Variants in UST observed in about 807,000 individuals in gnomAD.
The protein encoded by UST is uronyl 2-sulfotransferase, also known as chondroitin sulfate 2-O-sulfotransferase.
A neutral mutation model predicts 45.6 loss-of-function variants in UST; 21 were observed. The ratio of observed to expected loss-of-function variants is 0.46; its 90% confidence interval spans 0.33 to 0.66. UST has a LOEUF of 0.66. Ranked by LOEUF, UST falls within the 30% of genes least tolerant of loss-of-function variation. The pLI, the probability that UST is intolerant of heterozygous loss-of-function variation, is 0.02. For missense variants in UST, 463 were observed against 512.4 expected (o/e 0.90, Z 0.93); for synonymous variants, 215 against 200.6 (o/e 1.07, Z -0.61).
At chr6:148,788,364 C>A (rs1006715960) in intron 1 of UST, among the ~76,000 whole-genome samples, 1 of 152,104 alleles carries the variant, frequency 6.6e-6, no homozygotes, top group Admixed American at 6.5e-5. Flanking sequence ...TACACACACA[C>A]ACACTTAGTG....
At position 149,073,827 on chromosome 6, in the gene UST, T is replaced by C; in HGVS notation, c.938-6T>C. Reference sequence around the variant, plus strand: ...TGGCTCATGTGCGACCCCGGTTCTCTTCCAGAGCACAGGAAGCTTGGAAAC... The same window carrying C: ...TGGCTCATGTGCGACCCCGGTTCTCCTCCAGAGCACAGGAAGCTTGGAAAC... On this transcript the variant is annotated splice_polypyrimidine_tract_variant and splice_region_variant and intron_variant, in intron 7 of 7. Transcript: ENST00000367463. 1 of 1,611,878 alleles carries C rather than the reference T, an allele frequency of 6.2e-7. No individual in the cohort carries two copies. The highest frequency in any genetic ancestry group is 8.5e-7 in the Non-Finnish European group (1 of 1,178,172).
intron 7 of UST, among the ~76,000 whole-genome samples, chr6:149,047,470 A>G (rs143567864): frequency 1.6e-4 from 25 of 152,354 alleles, no homozygotes; most frequent in African/African-American, 5.3e-4. Flanking sequence ...ACACATTTTC[A>G]TAATCATTTA....
chr6:148,766,512 T>C (rs1776327348), intron 1 of UST, among the ~76,000 whole-genome samples: 1 of 152,196 alleles, frequency 6.6e-6, no homozygotes, highest in African/African-American at 2.4e-5. Flanking sequence ...AGTGCTAAGA[T>C]AATCACCGTA....
At chr6:148,753,725 T>C (rs1776034707) in intron 1 of UST, among the ~76,000 whole-genome samples, 1 of 152,192 alleles carries the variant, frequency 6.6e-6, no homozygotes, top group African/African-American at 2.4e-5. Context: ...ATGGTAACTC[T>C]AAGTTTAAGT....
chr6:148,987,108 T>G (rs1781252250), intron 5 of UST, among the ~76,000 whole-genome samples: 1 of 152,244 alleles, frequency 6.6e-6, no homozygotes, highest in East Asian at 1.9e-4. Flanking sequence ...TTAAGAGAAC[T>G]GTGACATCCA....
rs545326526 is a variant in UST, at chr6:148,991,517, C to G, written c.681+26954C>G. The stretch of plus-strand genomic sequence containing the variant: ...TAATGCTATCCCTCCCCCCTCCCCC[C>G]ACCCCACGACAGGCCCCGGTGTGTG... On this transcript the variant is annotated intron_variant, in intron 5 of 7. Coordinates refer to ENST00000367463, the MANE Select transcript of UST (RefSeq NM_005715.3). 4.1e-3 allele frequency among the ~76,000 whole-genome samples: 505 copies of G among 124,328 alleles called. 1 individual carries two copies. Among genetic ancestry groups the G allele is most frequent in the Non-Finnish European group, 5.5e-3 (332 of 60,380 alleles). The allele number at this position is 124,328 out of a possible 152,430, so 81.6% of individuals were successfully genotyped here.
chr6:149,007,951 T>C (rs1395917460), intron 5 of UST, among the ~76,000 whole-genome samples: 2 of 152,204 alleles, frequency 1.3e-5, no homozygotes, highest in East Asian at 3.9e-4. Flanking sequence ...CAAATTTCTA[T>C]TTAAACTTGC....
At chr6:148,985,426 C>T (rs966568482) in intron 5 of UST, among the ~76,000 whole-genome samples, 4 of 151,904 alleles carry the variant, frequency 2.6e-5, no homozygotes, top group Non-Finnish European at 4.4e-5. Flanking sequence ...GAACAAGAGT[C>T]CCAGGAAGAG....
intron 3 of UST, among the ~76,000 whole-genome samples, chr6:148,949,976 A>ACTTAT (rs1780333060): frequency 6.6e-6 from 1 of 152,174 alleles, no homozygotes; most frequent in Non-Finnish European, 1.5e-5. Context: ...ATGAATGGAT[A>ACTTAT]CCATCACGTA....
In UST at chr6:149,041,797, T is replaced by C. The variant is rs576155845; in HGVS notation, c.937+20316T>C. On this transcript the variant is annotated intron_variant, in intron 7 of 7. Coordinates refer to ENST00000367463, the MANE Select transcript of UST (RefSeq NM_005715.3). ...CATTCCCACACCCTAGACCACCCTC[T>C]CCATGCTGACCACCCTTGGCACCAG... Among the ~76,000 whole-genome samples, 3 of 152,220 alleles carry C rather than the reference T, an allele frequency of 2.0e-5. No individual in the cohort carries two copies. The East Asian group carries it at 5.8e-4, about 29-fold the overall frequency.
At chr6:148,808,478 G>A (rs1777192552) in intron 1 of UST, among the ~76,000 whole-genome samples, 1 of 152,098 alleles carries the variant, frequency 6.6e-6, no homozygotes, top group Non-Finnish European at 1.5e-5. Flanking sequence ...CTTTACCTGG[G>A]ATGGGGATAG....
chr6:148,964,513 C>G lies in UST; in HGVS notation c.631C>G (p.Gln211Glu). 1 of 1,614,112 alleles carries G rather than the reference C, an allele frequency of 6.2e-7. No individual in the cohort carries two copies. Among genetic ancestry groups the G allele is most frequent in the African/African-American group, 1.3e-5 (1 of 75,038 alleles). The change falls in exon 5 of 8, where the codon CAA becomes GAA. Residue 211 changes from glutamine (Q) to glutamate (E), a missense_variant. Gln to Glu is a conservative substitution (Grantham distance 29). This residue lies in a region of UST where 287 missense variants were observed against 374.2 expected (regional missense o/e 0.77). Transcript: ENST00000367463. The stretch of plus-strand genomic sequence containing the variant: ...TCGCTTTGGAGACTGGAGAGGGGAA[C>G]AAAATCACATGATCCGCACCCCCAG... ...FRRFGDWRGE[Q>E]NHMIRTPSMR...
At chr6:148,897,160 T>G (rs1271845832) in intron 2 of UST, among the ~76,000 whole-genome samples, 1 of 146,606 alleles carries the variant, frequency 6.8e-6, no homozygotes, top group Non-Finnish European at 1.5e-5. Context: ...TTTATTTTAC[T>G]TTTAAAATTT....
At chr6:148,925,950 T>C (rs1303993655) in intron 2 of UST, among the ~76,000 whole-genome samples, 1 of 152,242 alleles carries the variant, frequency 6.6e-6, no homozygotes, top group Non-Finnish European at 1.5e-5. Context: ...ACCTAGCAGA[T>C]TACAAAAACT....
intron 7 of UST, among the ~76,000 whole-genome samples, chr6:149,071,065 T>C (rs978142333): frequency 1.3e-4 from 20 of 152,134 alleles, no homozygotes; most frequent in African/African-American, 4.6e-4. Flanking sequence ...CATACCCGGC[T>C]CTTTTAGTTA....
At chr6:148,960,415 A>G (rs1780629141) in intron 4 of UST, among the ~76,000 whole-genome samples, 1 of 152,192 alleles carries the variant, frequency 6.6e-6, no homozygotes, top group Non-Finnish European at 1.5e-5. Flanking sequence ...TCACTGATCA[A>G]GGGTCAAAGC....
intron 2 of UST, among the ~76,000 whole-genome samples, chr6:148,901,347 A>C (rs1297161576): frequency 6.6e-6 from 1 of 152,200 alleles, no homozygotes; most frequent in Admixed American, 6.5e-5. Flanking sequence ...AATAAACTCC[A>C]AAATCTTAGT....
chr6:148,874,818 C>T (rs1043394504), intron 1 of UST, among the ~76,000 whole-genome samples: 1 of 152,218 alleles, frequency 6.6e-6, no homozygotes, highest in Non-Finnish European at 1.5e-5. Flanking sequence ...TGTGTGCTGA[C>T]AGCTACCTCT....
chr6:149,000,543 AC>A (rs1181669756), intron 5 of UST, among the ~76,000 whole-genome samples: 1 of 152,114 alleles, frequency 6.6e-6, no homozygotes, highest in African/African-American at 2.4e-5. Flanking sequence ...GAGCCTACAG[AC>A]CATACATTCT....
Sources: gnomAD v4.1 joint callset for allele counts (sites outside exome capture counted in the v4.1 genomes callset) on GRCh38, gnomAD v4.1.1 for gene constraint, gnomAD v4.1.1 regional missense constraint, MANE v1.5 for transcripts, NCBI Gene and HGNC (gene_info 2026-07-23, HGNC 2026-07-21) for gene names.